G3BP2: variants seen among roughly 807,000 people sequenced by gnomAD.
G3BP2 encodes the protein G3BP stress granule assembly factor 2.
G3BP2 carries 11 observed loss-of-function variants against 56.7 expected under a neutral mutation model. That is an observed-to-expected ratio of 0.19 (90% CI 0.12 to 0.32). The LOEUF (loss-of-function observed/expected upper bound fraction) is 0.32, where lower values mean the gene tolerates loss of function less well. Among genes scored for constraint, G3BP2 ranks in the 10% least tolerant of loss-of-function variants. The pLI, the probability that G3BP2 is intolerant of heterozygous loss-of-function variation, is 1.00. For synonymous variants in G3BP2, 165 were observed against 191.6 expected (o/e 0.86, Z 1.15); for missense variants, 340 against 610.9 (o/e 0.56, Z 4.67).
intron 8 of G3BP2, among the ~76,000 whole-genome samples, chr4:75,650,426 C>CAAAAAAAAA (rs1220235661): frequency 2.6e-5 from 2 of 76,764 alleles, no homozygotes; most frequent in Non-Finnish European, 4.8e-5. Context: ...AACTCCATCT[C>CAAAAAAAAA]AAAAAAAAAA....
chr4:75,647,778 A>G (rs941414277), intron 9 of G3BP2, among the ~76,000 whole-genome samples: 1 of 152,216 alleles, frequency 6.6e-6, no homozygotes, highest in African/African-American at 2.4e-5. Context: ...TCACTGACAA[A>G]TTTAGGACTT....
At chr4:75,652,193 A>C (rs1560612848) in intron 8 of G3BP2, among the ~76,000 whole-genome samples, 1 of 152,214 alleles carries the variant, frequency 6.6e-6, no homozygotes, top group Non-Finnish European at 1.5e-5. Context: ...ATTTAAGGCA[A>C]ACTACTTGAG....
upstream of G3BP2, chr4:75,673,691 C>T (rs1042699470): frequency 7.1e-6 from 8 of 1,131,062 alleles, no homozygotes; most frequent in East Asian, 6.4e-5. Flanking sequence ...CCAGCCTTGC[C>T]GCCCTTCTTC....
At chr4:75,681,039 A>C (rs1441404254) in intron 3 of G3BP2, among the ~76,000 whole-genome samples, 4 of 151,078 alleles carry the variant, frequency 2.6e-5, no homozygotes, top group Non-Finnish European at 5.9e-5. Flanking sequence ...ATATAGTCAA[A>C]TTCAGCCAGG....
chr4:75,719,074 T>C (rs530298435), intron 3 of G3BP2, among the ~76,000 whole-genome samples: 1 of 152,228 alleles, frequency 6.6e-6, no homozygotes, highest in African/African-American at 2.4e-5. Flanking sequence ...AAATTGATAA[T>C]ACCGTGGCTC....
intron 2 of G3BP2, 67 bp downstream of exon 2, chr4:75,661,864 A>G (rs1001067886): frequency 5.2e-6 from 4 of 770,278 alleles, no homozygotes; most frequent in Admixed American, 4.2e-5. Context: ...AGGAAATGCA[A>G]AATATATATA....
chr4:75,684,630 CA>C (rs1035913313), intron 3 of G3BP2, among the ~76,000 whole-genome samples: 15 of 152,226 alleles, frequency 9.9e-5, no homozygotes, highest in African/African-American at 3.6e-4. Flanking sequence ...ACTGCAGCCT[CA>C]AACTCCTCGG....
chr4:75,680,322 C>T (rs1434208190), intron 3 of G3BP2, among the ~76,000 whole-genome samples: 1 of 152,124 alleles, frequency 6.6e-6, no homozygotes, highest in East Asian at 1.9e-4. Context: ...AGAGCAAATC[C>T]TCCACTTAAA....
intron 1 of G3BP2, among the ~76,000 whole-genome samples, chr4:75,666,441 T>C (rs1269671927): frequency 6.6e-6 from 1 of 152,152 alleles, no homozygotes; most frequent in Non-Finnish European, 1.5e-5. Flanking sequence ...TAAAACAAAA[T>C]CAAGATTTAC....
At chr4:75,670,628 T>C (rs768183303) in intron 1 of G3BP2, among the ~76,000 whole-genome samples, 5 of 152,252 alleles carry the variant, frequency 3.3e-5, no homozygotes, top group Admixed American at 6.5e-5. Flanking sequence ...CATGTATTTA[T>C]ACTATGTTTT....
At position 75,655,276 on chromosome 4, in the gene G3BP2, G is replaced by T. The variant is rs1732005211; in HGVS notation, c.546-30C>A. Reference sequence around the variant, plus strand: ...AATAAAATATTTAGTTCACTTTTTAGTAGGAGTTCAAGTAAGAAAAAATTC... The same window carrying T: ...AATAAAATATTTAGTTCACTTTTTATTAGGAGTTCAAGTAAGAAAAAATTC... On this transcript the variant is annotated intron_variant, in intron 6 of 11. Coordinates refer to ENST00000359707, the MANE Select transcript of G3BP2 (RefSeq NM_203505.3). The T allele has an allele frequency of 4.0e-6, 6 of 1,514,790 alleles. No homozygotes were observed. In the South Asian group the frequency reaches 4.7e-5, roughly 12 times the overall value. 93.8% of individuals were successfully genotyped at this position (1,514,790 alleles called of 1,614,324 possible). A position where few individuals can be genotyped will look rare whatever the true frequency, so the allele number is the denominator to read the frequency against.
chr4:75,717,313 A>G (rs1719966679), intron 3 of G3BP2, among the ~76,000 whole-genome samples: 1 of 152,080 alleles, frequency 6.6e-6, no homozygotes, highest in Non-Finnish European at 1.5e-5. Context: ...GGTAGTGCAC[A>G]CCTGTAGTCC....
intron 1 of G3BP2, among the ~76,000 whole-genome samples, chr4:75,723,714 T>C: frequency 6.6e-6 from 1 of 152,168 alleles, no homozygotes; most frequent in Non-Finnish European, 1.5e-5. Context: ...CGAGTTCAAT[T>C]TTAAATGCTG....
chr4:75,659,271 T>C (rs1356631420), intron 2 of G3BP2, among the ~76,000 whole-genome samples: 3 of 152,212 alleles, frequency 2.0e-5, no homozygotes, highest in African/African-American at 7.2e-5. Flanking sequence ...ACAGATGCTA[T>C]AGTAATTGAC....
At chr4:75,713,294 G>A (rs1487397913) in intron 3 of G3BP2, among the ~76,000 whole-genome samples, 1 of 152,194 alleles carries the variant, frequency 6.6e-6, no homozygotes, top group African/African-American at 2.4e-5. Context: ...ACAGGAGGCA[G>A]ACTGGCAACC....
Position 75,673,259 on chromosome 4 carries a change from T to C in G3BP2, c.-76A>G, listed in dbSNP as rs1198562744. The C allele has an allele frequency of 8.2e-7, 1 of 1,223,680 alleles. No homozygotes were observed. The highest frequency in any genetic ancestry group is 1.0e-6 in the Non-Finnish European group (1 of 982,992). The allele number at this position is 1,223,680 out of a possible 1,614,324, so 75.8% of individuals were successfully genotyped here. ...GTCGCGCGGAGGTCAGAAGAGTCGC[T>C]GAGGACCGGGTGCGGCGGGTTCTTA... On this transcript the variant is annotated 5_prime_UTR_variant, in exon 1 of 12. Transcript: ENST00000359707.
intron 3 of G3BP2, among the ~76,000 whole-genome samples, chr4:75,689,044 T>C (rs73825534): frequency 1.1e-3 from 164 of 152,020 alleles, no homozygotes; most frequent in African/African-American, 3.8e-3. Context: ...GTATTGGATA[T>C]AAGATGTGAA....
At chr4:75,686,994 G>A (rs1578429386) in intron 3 of G3BP2, among the ~76,000 whole-genome samples, 1 of 152,170 alleles carries the variant, frequency 6.6e-6, no homozygotes, top group East Asian at 1.9e-4. Flanking sequence ...TGAGGAGACT[G>A]AGGCAGGAGG....
rs575416136 is a variant in G3BP2, at chr4:75,643,703, T to C, written c.*1727A>G. 1 of 152,600 alleles carries C rather than the reference T, an allele frequency of 6.6e-6. No individual in the cohort carries two copies. The highest frequency in any genetic ancestry group is 2.4e-5 in the African/African-American group (1 of 41,430). 9.5% of individuals were successfully genotyped at this position (152,600 alleles called of 1,614,324 possible). A position where few individuals can be genotyped will look rare whatever the true frequency, so the allele number is the denominator to read the frequency against. On this transcript the variant is annotated 3_prime_UTR_variant, in exon 12 of 12. Coordinates refer to ENST00000359707, the MANE Select transcript of G3BP2 (RefSeq NM_203505.3). Reference sequence around the variant, plus strand: ...AACAGTTGCATAATTCAGAACCAATTTGCTACTATGTCAAGTGCATATCTT... The same window carrying C: ...AACAGTTGCATAATTCAGAACCAATCTGCTACTATGTCAAGTGCATATCTT...
Sources: allele counts gnomAD v4.1 joint callset (sites outside exome capture counted in the v4.1 genomes callset), GRCh38; gene constraint gnomAD v4.1.1; transcripts MANE v1.5; gene names NCBI Gene and HGNC (gene_info 2026-07-23, HGNC 2026-07-21).